JADE1: variants seen among roughly 807,000 people sequenced by gnomAD.
JADE1 encodes protein Jade-1.
A neutral mutation model predicts 81.8 loss-of-function variants in JADE1; 14 were observed. The observed-to-expected ratio is 0.17, with a 90% CI of 0.11 to 0.27. The LOEUF (loss-of-function observed/expected upper bound fraction) is 0.27. Among genes scored for constraint, JADE1 ranks in the 10% least tolerant of loss-of-function variants. The pLI is 1.00. For synonymous variants in JADE1, 353 were observed against 391.9 expected (o/e 0.90, Z 1.17); for missense variants, 690 against 1,047.9 (o/e 0.66, Z 4.71).
intron 8 of JADE1, among the ~76,000 whole-genome samples, 182 bp downstream of exon 8, chr4:128,857,636 C>T (rs924997009): frequency 2.6e-5 from 4 of 152,142 alleles, no homozygotes; most frequent in Non-Finnish European, 4.4e-5. Flanking sequence ...TAACTGTATC[C>T]GGTGTAACTA....
At chr4:128,832,447 A>T (rs1420384903) in intron 2 of JADE1, among the ~76,000 whole-genome samples, 1 of 152,230 alleles carries the variant, frequency 6.6e-6, no homozygotes, top group Non-Finnish European at 1.5e-5. Context: ...CTCCCCTCAG[A>T]TAACAGAGGG....
At chr4:128,826,380 CAG>C in intron 1 of JADE1, among the ~76,000 whole-genome samples, 1 of 16,696 alleles carries the variant, frequency 6.0e-5, no homozygotes, top group East Asian at 0.083. Flanking sequence ...TTTTTTGAAA[CAG>C]AGTTTACTCT....
intron 10 of JADE1, 68 bp downstream of exon 10, chr4:128,868,041 A>G (rs1191952517): frequency 8.3e-6 from 6 of 723,420 alleles, no homozygotes; most frequent in Non-Finnish European, 1.4e-5. Context: ...CTGTTGAGGA[A>G]GAAATAATCA....
At chr4:128,813,208 T>C (rs1726641755) in intron 1 of JADE1, among the ~76,000 whole-genome samples, 1 of 151,662 alleles carries the variant, frequency 6.6e-6, no homozygotes, top group African/African-American at 2.4e-5. Context: ...TGGAGAAAGG[T>C]GGAGAAAGGA....
intron 9 of JADE1, among the ~76,000 whole-genome samples, chr4:128,866,853 A>G (rs2125899606): frequency 6.6e-6 from 1 of 152,258 alleles, no homozygotes; most frequent in Non-Finnish European, 1.5e-5. Flanking sequence ...TTAATTGTGT[A>G]TTTGGTGTGC....
intron 6 of JADE1, among the ~76,000 whole-genome samples, chr4:128,852,956 C>T (rs576168442): frequency 2.0e-5 from 3 of 148,690 alleles, no homozygotes; most frequent in East Asian, 4.0e-4. Flanking sequence ...AGTGCAATGG[C>T]GTGGTCTTGG....
intron 3 of JADE1, 86 bp downstream of exon 3, chr4:128,843,124 G>T (rs1729589597): frequency 1.9e-6 from 2 of 1,072,570 alleles, no homozygotes; most frequent in Non-Finnish European, 2.7e-6. Context: ...TGCAGTCCTG[G>T]GCAAATTATT....
intron 9 of JADE1, among the ~76,000 whole-genome samples, chr4:128,866,058 C>T (rs1560779948): frequency 6.6e-6 from 1 of 152,294 alleles, no homozygotes; most frequent in South Asian, 2.1e-4. Context: ...TCTTGAGCTT[C>T]ACTCTTAATT....
At chr4:128,838,893 T>G (rs930551689) in intron 2 of JADE1, among the ~76,000 whole-genome samples, 2 of 152,110 alleles carry the variant, frequency 1.3e-5, no homozygotes, top group African/African-American at 4.8e-5. Context: ...TTTCTGTAGA[T>G]GTAGGTGCAT....
intron 1 of JADE1, among the ~76,000 whole-genome samples, chr4:128,821,944 T>C (rs1041905379): frequency 7.2e-5 from 11 of 152,250 alleles, no homozygotes; most frequent in East Asian, 1.9e-4. Context: ...ACTTAAGCTT[T>C]TGAAGTATGT....
At chr4:128,822,431 G>C (rs1727659811) in intron 1 of JADE1, among the ~76,000 whole-genome samples, 1 of 152,116 alleles carries the variant, frequency 6.6e-6, no homozygotes, top group Admixed American at 6.6e-5. Context: ...TTAAAATCAT[G>C]GCCAGGTGCA....
Position 128,857,257 on chromosome 4 carries a change from A to C in JADE1, c.865-81A>C, listed in dbSNP as rs925111466. 117 of 1,053,576 alleles carry C rather than the reference A, an allele frequency of 1.1e-4. 3 individuals carry two copies. In the Middle Eastern group the frequency reaches 1.9e-3, roughly 17 times the overall value. 65.3% of individuals were successfully genotyped at this position (1,053,576 alleles called of 1,614,324 possible). ...TCTGGTAGGAGAGATGTAGGAAAGT[A>C]ATGGATCTTTTAGTTTCTGACATTC... On this transcript the variant is annotated intron_variant, in intron 7 of 10. Transcript: ENST00000226319.
chr4:128,817,251 C>T (rs1202726382), intron 1 of JADE1, among the ~76,000 whole-genome samples: 2 of 151,704 alleles, frequency 1.3e-5, no homozygotes, highest in Non-Finnish European at 2.9e-5. Context: ...GCTCAGGTTG[C>T]CCAGGCTAGT....
chr4:128,818,271 C>G (rs1393161748), intron 1 of JADE1, among the ~76,000 whole-genome samples: 1 of 152,114 alleles, frequency 6.6e-6, no homozygotes, highest in Non-Finnish European at 1.5e-5. Context: ...CAGGCGTGTG[C>G]CACCATGCCC....
At position 128,857,265 on chromosome 4, in the gene JADE1, T is replaced by G. The variant is rs1730874232; in HGVS notation, c.865-73T>G. 2.6e-6 allele frequency: 3 copies of G among 1,138,202 alleles called. No homozygotes were observed. The East Asian group carries it at 7.0e-5, about 27-fold the overall frequency. The allele number at this position is 1,138,202 out of a possible 1,614,324, so 70.5% of individuals were successfully genotyped here. On this transcript the variant is annotated intron_variant, in intron 7 of 10. Transcript: ENST00000226319. The stretch of plus-strand genomic sequence containing the variant: ...GAGAGATGTAGGAAAGTAATGGATC[T>G]TTTAGTTTCTGACATTCATGTTCAG...
intron 2 of JADE1, among the ~76,000 whole-genome samples, chr4:128,832,581 A>T (rs1221844183): frequency 6.6e-6 from 1 of 152,228 alleles, no homozygotes; most frequent in African/African-American, 2.4e-5. Context: ...GCTTTCAAGG[A>T]ACTCTGCTTT....
chr4:128,847,494 C>T (rs1244911858), intron 4 of JADE1, among the ~76,000 whole-genome samples: 2 of 152,180 alleles, frequency 1.3e-5, no homozygotes, highest in East Asian at 1.9e-4. Flanking sequence ...ATGGCCCCCA[C>T]AGGCTAGAGT....
intron 2 of JADE1, among the ~76,000 whole-genome samples, chr4:128,836,561 T>C (rs955982622): frequency 6.6e-6 from 1 of 152,130 alleles, no homozygotes; most frequent in Non-Finnish European, 1.5e-5. Context: ...GTAAGTGAAC[T>C]GGGCAGTTAA....
rs763278224 is a variant in JADE1 at position 128,871,720 on chromosome 4, C to A, written c.1987C>A (p.Arg663Ser). The change falls in exon 11 of 11, where the codon CGT (arginine) becomes AGT (serine). Residue 663 changes from arginine (R) to serine (S), a missense_variant. Around this residue, in one of 8 missense-constraint regions of JADE1, gnomAD observed 218 missense variants for 274.3 expected, o/e 0.79. Transcript: ENST00000226319. The surrounding 1 kb of genome is among the most constrained non-coding windows in gnomAD (Gnocchi z 4.1). Reference protein sequence around the residue: ...MPDHGKRRDNRFHCDLIKGDL... With the variant: ...MPDHGKRRDNSFHCDLIKGDL... ...AGACCATGGGAAAAGAAGAGACAATCGTTTTCATTGTGATCTCATTAAAGG... is the reference window on the plus strand; with the variant it reads ...AGACCATGGGAAAAGAAGAGACAATAGTTTTCATTGTGATCTCATTAAAGG... 34 of 1,613,974 alleles carry A rather than the reference C, an allele frequency of 2.1e-5. No homozygotes were observed. The highest frequency in any genetic ancestry group is 2.7e-5 in the Non-Finnish European group (32 of 1,180,030).
Sources: allele counts gnomAD v4.1 joint callset (sites outside exome capture counted in the v4.1 genomes callset), GRCh38; gene constraint gnomAD v4.1.1; regional missense constraint gnomAD v4.1.1; non-coding constraint Gnocchi (gnomAD v3.1); transcripts MANE v1.5; gene names NCBI Gene and HGNC (gene_info 2026-07-23, HGNC 2026-07-21).